ANK3: variants seen among roughly 807,000 people sequenced by gnomAD.
The protein encoded by ANK3 is ankyrin-3.
In ANK3, 57 loss-of-function variants were observed where a neutral mutation model predicts 370.9. That is an observed-to-expected ratio of 0.15 (90% CI 0.12 to 0.19). The LOEUF (loss-of-function observed/expected upper bound fraction) is 0.19. Among genes scored for constraint, ANK3 ranks in the 10% least tolerant of loss-of-function variants. The probability of loss-of-function intolerance (pLI) is 1.00; values close to 1 mark genes in which losing one functional copy is unlikely to be tolerated. For synonymous variants in ANK3, 1,929 were observed against 1,946.3 expected (o/e 0.99, Z 0.23); for missense variants, 4,439 against 5,302.1 (o/e 0.84, Z 5.06).
intron 35 of ANK3, chr10:60,081,620 A>G (rs1027424496): frequency 5.6e-6 from 2 of 355,890 alleles, no homozygotes; most frequent in East Asian, 1.5e-4. Context: ...ACATAAGTTT[A>G]TTTGTACAAT....
At chr10:60,686,572 A>G (rs929007554) in intron 1 of ANK3, among the ~76,000 whole-genome samples, 2 of 152,144 alleles carry the variant, frequency 1.3e-5, no homozygotes, top group African/African-American at 4.8e-5. Context: ...TCTATGTGCC[A>G]GGCACTATTA....
intron 1 of ANK3, among the ~76,000 whole-genome samples, chr10:60,727,791 T>C (rs997666823): frequency 1.3e-5 from 2 of 152,068 alleles, no homozygotes; most frequent in African/African-American, 4.8e-5. Context: ...AAGAGAGACC[T>C]AATCAACTAT....
At chr10:60,648,137 G>A (rs1028024127) in intron 1 of ANK3, among the ~76,000 whole-genome samples, 1 of 134,820 alleles carries the variant, frequency 7.4e-6, no homozygotes, top group Middle Eastern at 5.5e-3. Flanking sequence ...GAGCCACTGC[G>A]GCCAGCCTCT....
At chr10:60,214,929 A>G (rs2132464510) in intron 8 of ANK3, among the ~76,000 whole-genome samples, 1 of 152,320 alleles carries the variant, frequency 6.6e-6, no homozygotes, top group East Asian at 1.9e-4. Flanking sequence ...TTCTTGAGGA[A>G]TTGTCATACT....
intron 2 of ANK3, among the ~76,000 whole-genome samples, chr10:60,462,388 G>A (rs1404020011): frequency 6.6e-6 from 1 of 152,052 alleles, no homozygotes; most frequent in Admixed American, 6.6e-5. Context: ...GAGTGTAAAA[G>A]CATGCATGCT....
chr10:60,187,762 C>T (rs926525847), intron 16 of ANK3, among the ~76,000 whole-genome samples: 5 of 152,140 alleles, frequency 3.3e-5, no homozygotes, highest in East Asian at 1.9e-4. Flanking sequence ...TCCTCTTTTA[C>T]AAAACCTGTC....
At chr10:60,709,809 C>T (rs2079676307) in intron 1 of ANK3, among the ~76,000 whole-genome samples, 2 of 140,856 alleles carry the variant, frequency 1.4e-5, no homozygotes, top group South Asian at 4.5e-4. Context: ...GCCTCACTGA[C>T]AGAGTGAGAC....
At chr10:60,478,495 A>G (rs1304586252) in intron 2 of ANK3, among the ~76,000 whole-genome samples, 2 of 152,094 alleles carry the variant, frequency 1.3e-5, no homozygotes, top group African/African-American at 2.4e-5. Context: ...TTTAAAGACA[A>G]TTGAGATGAA....
At chr10:60,360,290 G>A (rs1468915930) in intron 1 of ANK3, among the ~76,000 whole-genome samples, 1 of 152,186 alleles carries the variant, frequency 6.6e-6, no homozygotes, top group Non-Finnish European at 1.5e-5. Flanking sequence ...TTTTATTCCA[G>A]GGAGCTAAAA....
At chr10:60,245,191 A>C (rs570036010) in intron 7 of ANK3, among the ~76,000 whole-genome samples, 210 of 152,216 alleles carry the variant, frequency 1.4e-3, no homozygotes, top group African/African-American at 4.7e-3. Context: ...CAAAAAAAAA[A>C]CCAGTCATAT....
rs575902733 is a variant in ANK3, at chr10:60,544,642, T to A, written c.96+70544A>T. ...GACAGCTCACTCTAAAGTGACAGATTTAGATTTTAATCTAAAACAACACAT... is the reference window on the plus strand; with the variant it reads ...GACAGCTCACTCTAAAGTGACAGATATAGATTTTAATCTAAAACAACACAT... On this transcript the variant is annotated intron_variant, in intron 2 of 43. Coordinates refer to the ANK3 transcript ENST00000373827. Among the ~76,000 whole-genome samples, 3 of 152,226 alleles carry A rather than the reference T, an allele frequency of 2.0e-5. No homozygotes were observed. In the East Asian group the frequency reaches 5.8e-4, roughly 29 times the overall value.
rs528068850 is a variant in ANK3, at chr10:60,333,313, C to T, written c.115-53674G>A. 2.7e-3 allele frequency among the ~76,000 whole-genome samples: 416 copies of T among 152,094 alleles called. 3 individuals carry two copies. The highest frequency in any genetic ancestry group is 3.4e-3 in the Non-Finnish European group (229 of 67,982). ...CTCCCTCCCCTAGACCCCAACCCCC[C>T]GACAGGCCCCAGTGTGTGATGCTCC... On this transcript the variant is annotated intron_variant, in intron 1 of 43. Coordinates refer to ENST00000280772, the MANE Select transcript of ANK3 (RefSeq NM_020987.5).
At position 60,465,894 on chromosome 10, in the gene ANK3, T is replaced by C. The variant is rs185838976; in HGVS notation, c.96+149292A>G. ...TGAAATTAAGCTCTTTTTCTGGCTA[T>C]AGTAGAAACCAAATATTAAGTAGAG... On this transcript the variant is annotated intron_variant, in intron 2 of 43. Transcript: ENST00000373827. Among the ~76,000 whole-genome samples, 251 of 151,846 alleles carry C rather than the reference T, an allele frequency of 1.7e-3. 2 individuals are homozygous for C. Among genetic ancestry groups the C allele is most frequent in the African/African-American group, 5.8e-3 (241 of 41,432 alleles).
chr10:60,278,909 T>A, intron 3 of ANK3, 37 bp from the exon 4 acceptor site: 1 of 1,601,664 alleles, frequency 6.2e-7, no homozygotes, highest in South Asian at 1.1e-5. Flanking sequence ...AACTCATCGA[T>A]CTTTTGAATT....
intron 28 of ANK3, among the ~76,000 whole-genome samples, chr10:60,094,677 A>T (rs188151280): frequency 1.3e-5 from 2 of 152,290 alleles, no homozygotes; most frequent in Admixed American, 1.3e-4. Flanking sequence ...AGGCTATGAA[A>T]TTCTAGGATA....
intron 1 of ANK3, among the ~76,000 whole-genome samples, chr10:60,331,829 A>G (rs186874159): frequency 3.3e-5 from 5 of 152,322 alleles, no homozygotes; most frequent in East Asian, 3.9e-4. Flanking sequence ...GAAGCAACCA[A>G]TTAGAACTGA....
At chr10:60,611,401 T>G (rs1595348533) in intron 2 of ANK3, among the ~76,000 whole-genome samples, 2 of 152,222 alleles carry the variant, frequency 1.3e-5, no homozygotes, top group East Asian at 3.9e-4. Flanking sequence ...CAGAAGGCAG[T>G]CTCCCCACAT....
chr10:60,177,593 C>CTT (rs771714886), intron 18 of ANK3, among the ~76,000 whole-genome samples: 1 of 106,252 alleles, frequency 9.4e-6, no homozygotes, highest in African/African-American at 3.4e-5. Context: ...GTCTTCAAAT[C>CTT]TTTTTTTTTT....
upstream of ANK3, among the ~76,000 whole-genome samples, chr10:60,392,596 G>A (rs913515014): frequency 3.3e-5 from 5 of 152,170 alleles, no homozygotes; most frequent in East Asian, 1.9e-4. Flanking sequence ...ATTTACATAG[G>A]ATGGGCGTGG....
Sources: allele counts gnomAD v4.1 joint callset (sites outside exome capture counted in the v4.1 genomes callset), GRCh38; gene constraint gnomAD v4.1.1; transcripts MANE v1.5; gene names NCBI Gene and HGNC (gene_info 2026-07-23, HGNC 2026-07-21).